Variants in ELAVL1 observed in about 807,000 individuals in gnomAD.
The protein encoded by ELAVL1 is ELAV-like protein 1.
A neutral mutation model predicts 28.4 loss-of-function variants in ELAVL1; 1 was observed. The observed-to-expected ratio is 0.04, with a 90% CI of 0.01 to 0.17. The LOEUF (loss-of-function observed/expected upper bound fraction) is 0.17, where lower values mean the gene tolerates loss of function less well. Among genes scored for constraint, ELAVL1 ranks in the 10% least tolerant of loss-of-function variants. The probability of loss-of-function intolerance (pLI) is 1.00; values close to 1 mark genes in which losing one functional copy is unlikely to be tolerated. For synonymous variants in ELAVL1, 174 were observed against 183.5 expected (o/e 0.95, Z 0.42); for missense variants, 157 against 447.2 (o/e 0.35, Z 5.85).
intron 2 of ELAVL1, among the ~76,000 whole-genome samples, chr19:7,983,744 C>G (rs1455723986): frequency 4.6e-5 from 7 of 152,152 alleles, no homozygotes; most frequent in Non-Finnish European, 1.0e-4. Context: ...TTCCTGTGTC[C>G]TCAGCCACAG....
chr19:7,983,708 G>T (rs1283894280), intron 2 of ELAVL1, among the ~76,000 whole-genome samples: 1 of 152,162 alleles, frequency 6.6e-6, no homozygotes, highest in Non-Finnish European at 1.5e-5. Context: ...GTCACACACT[G>T]ATAGGGACTC....
At chr19:8,004,838 G>C (rs546037176) in intron 1 of ELAVL1, among the ~76,000 whole-genome samples, 1 of 152,132 alleles carries the variant, frequency 6.6e-6, no homozygotes, top group Non-Finnish European at 1.5e-5. Context: ...AAGGAAGGAA[G>C]GGCATCCATC....
chr19:7,966,327 G>A (rs370145307), intron 5 of ELAVL1, among the ~76,000 whole-genome samples: 4 of 152,128 alleles, frequency 2.6e-5, no homozygotes, highest in South Asian at 4.1e-4. Flanking sequence ...ACCACATCCT[G>A]GAGTCCAAGG....
chr19:7,997,662 T>C (rs910152291), intron 1 of ELAVL1, among the ~76,000 whole-genome samples: 9 of 152,072 alleles, frequency 5.9e-5, no homozygotes, highest in South Asian at 2.1e-4. Context: ...ATAAATTGTC[T>C]GAGTGTGGCG....
At chr19:7,983,314 G>A (rs1183786011) in intron 2 of ELAVL1, among the ~76,000 whole-genome samples, 1 of 152,182 alleles carries the variant, frequency 6.6e-6, no homozygotes, top group East Asian at 1.9e-4. Context: ...AACAAGCAAC[G>A]GAGCAGTGCA....
intron 1 of ELAVL1, among the ~76,000 whole-genome samples, chr19:8,003,549 G>A (rs1037450722): frequency 7.9e-5 from 12 of 151,594 alleles, no homozygotes; most frequent in South Asian, 6.2e-4. Context: ...AAAATTAGTC[G>A]GGCGTGGTAG....
Position 7,981,977 on chromosome 19 carries a change from G to T in ELAVL1, c.173-791C>A, listed in dbSNP as rs1252416108. On this transcript the variant is annotated intron_variant, in intron 2 of 5. Coordinates refer to ENST00000407627, the MANE Select transcript of ELAVL1 (RefSeq NM_001419.3). This position sits in a 1 kb window ranked among gnomAD's most constrained non-coding sequence, Gnocchi z 4.2. ...GAGACCAGCCCGACCCCGCTGTGGG[G>T]CAGAAGAGTCCAGGGAGAGGCCAGG... 6.6e-6 allele frequency among the ~76,000 whole-genome samples: 1 copy of T among 152,182 alleles called. No homozygotes were observed. Among genetic ancestry groups the T allele is most frequent in the African/African-American group, 2.4e-5 (1 of 41,460 alleles).
Position 7,959,494 on chromosome 19 carries a change from T to A in ELAVL1, c.*3989A>T, listed in dbSNP as rs1027667117. ...CTGGTGGAAGAAAAATCCAGTCCTG[T>A]CAAAGTCTCCGTTAGCCTAACTTAG... is the stretch of plus-strand genomic sequence containing the variant. On this transcript the variant is annotated 3_prime_UTR_variant, in exon 6 of 6. Coordinates refer to ENST00000407627, the MANE Select transcript of ELAVL1 (RefSeq NM_001419.3). 6.6e-6 allele frequency: 1 copy of A among 152,230 alleles called. No homozygotes were observed. The highest frequency in any genetic ancestry group is 1.5e-5 in the Non-Finnish European group (1 of 68,008). 9.4% of individuals were successfully genotyped at this position (152,230 alleles called of 1,614,324 possible).
chr19:7,978,852 T>C (rs112636745), intron 3 of ELAVL1, among the ~76,000 whole-genome samples: 2,576 of 152,242 alleles, frequency 0.017, 40 homozygotes, highest in Non-Finnish European at 0.025. Context: ...GGTGTCAGAA[T>C]AGAACTGCAG....
chr19:7,982,455 C>A lies in ELAVL1; in HGVS notation c.173-1269G>T, dbSNP rs375603278. Among the ~76,000 whole-genome samples the A allele has an allele frequency of 1.4e-4, 22 of 152,362 alleles. No individual in the cohort carries two copies. Among genetic ancestry groups the A allele is most frequent in the African/African-American group, 5.0e-4 (21 of 41,588 alleles). ...GCAGCTGGGCCAGGGACATCCAGAT[C>A]CATCTCACCGACAGCAAGATTACAA... On this transcript the variant is annotated intron_variant, in intron 2 of 5. Coordinates refer to ENST00000407627, the MANE Select transcript of ELAVL1 (RefSeq NM_001419.3). The surrounding 1 kb of genome is among the most constrained non-coding windows in gnomAD (Gnocchi z 4.3).
Position 7,991,708 on chromosome 19 carries a change from T to C in ELAVL1, c.108A>G (p.Leu36=). The C allele has an allele frequency of 6.2e-7, 1 of 1,614,164 alleles. No homozygotes were observed. Residue 36 remains leucine, a synonymous_variant, in exon 2 of 6, where the codon TTA becomes TTG. Coordinates refer to ENST00000407627, the MANE Select transcript of ELAVL1 (RefSeq NM_001419.3). ...CACCAATGCTGCTGAACAGGCTTCG[T>C]AACTCATCCTGGGTCATGTTCTGAG... ...YLPQNMTQDE[L]RSLFSSIGEV...
intron 5 of ELAVL1, among the ~76,000 whole-genome samples, chr19:7,966,549 T>C (rs1432422779): frequency 1.3e-5 from 2 of 152,210 alleles, no homozygotes; most frequent in African/African-American, 2.4e-5. Context: ...TGTCTAAGAA[T>C]GCTGGAAGAT....
chr19:7,988,091 GGA>G (rs1367755884), intron 2 of ELAVL1, among the ~76,000 whole-genome samples: 5 of 152,204 alleles, frequency 3.3e-5, no homozygotes, highest in Admixed American at 6.5e-5. Flanking sequence ...TGGTGGCTGA[GGA>G]GAGAGGGGAA....
intron 1 of ELAVL1, among the ~76,000 whole-genome samples, chr19:7,993,864 CAT>C (rs1263610159): frequency 3.9e-5 from 6 of 152,302 alleles, no homozygotes; most frequent in East Asian, 3.9e-4. Flanking sequence ...ACACACCTCT[CAT>C]GTGGAGATTT....
At chr19:7,969,484 T>C (rs1985044717) in intron 4 of ELAVL1, among the ~76,000 whole-genome samples, 1 of 152,132 alleles carries the variant, frequency 6.6e-6, no homozygotes, top group Non-Finnish European at 1.5e-5. Context: ...AGGTCAGACC[T>C]AGCGCTACGC....
At position 7,985,212 on chromosome 19, in the gene ELAVL1, G is replaced by A. The variant is rs59272427; in HGVS notation, c.173-4026C>T. On this transcript the variant is annotated intron_variant, in intron 2 of 5. Coordinates refer to ENST00000407627, the MANE Select transcript of ELAVL1 (RefSeq NM_001419.3). ...TGGGATTATAGGCGTGCGCCACCGC[G>A]CCCAGCCTCCTCAGTGGTTTTTAAA... Among the ~76,000 whole-genome samples, 716 of 152,346 alleles carry A rather than the reference G, an allele frequency of 4.7e-3. 5 individuals are homozygous for A. Among genetic ancestry groups the A allele is most frequent in the East Asian group, 0.024 (126 of 5,180 alleles).
intron 4 of ELAVL1, among the ~76,000 whole-genome samples, chr19:7,971,567 C>T (rs1006604601): frequency 6.6e-6 from 1 of 152,268 alleles, no homozygotes; most frequent in African/African-American, 2.4e-5. Context: ...CCACAGGAGA[C>T]TCTTCTGGTG....
At chr19:7,997,136 T>C (rs2081052335) in intron 1 of ELAVL1, among the ~76,000 whole-genome samples, 1 of 152,140 alleles carries the variant, frequency 6.6e-6, no homozygotes, top group African/African-American at 2.4e-5. Context: ...GGAAAACAGA[T>C]TGGCAGTTTC....
intron 1 of ELAVL1, chr19:8,002,287 C>T (rs2081070790): frequency 2.3e-6 from 1 of 431,464 alleles, no homozygotes; most frequent in Non-Finnish European, 4.4e-6. Flanking sequence ...CTCCAGGAAG[C>T]ATTCTGGGCT....
Sources: allele counts gnomAD v4.1 joint callset (sites outside exome capture counted in the v4.1 genomes callset), GRCh38; gene constraint gnomAD v4.1.1; non-coding constraint Gnocchi (gnomAD v3.1); transcripts MANE v1.5; gene names NCBI Gene and HGNC (gene_info 2026-07-23, HGNC 2026-07-21).